The following SPOCK3 variants were observed in gnomAD, a reference collection of about 807,000 sequenced individuals.
The protein encoded by SPOCK3 is SPARC (osteonectin), cwcv and kazal like domains proteoglycan 3.
SPOCK3 carries 30 observed loss-of-function variants against 56.6 expected under a neutral mutation model. The observed-to-expected ratio is 0.53, with a 90% CI of 0.40 to 0.72. The LOEUF is 0.72. Ranked by LOEUF, SPOCK3 falls within the 30% of genes least tolerant of loss-of-function variation. The pLI, the probability that SPOCK3 is intolerant of heterozygous loss-of-function variation, is 0.00. For synonymous variants in SPOCK3, 196 were observed against 183.3 expected (o/e 1.07, Z -0.56); for missense variants, 527 against 530.0 (o/e 0.99, Z 0.06).
At chr4:166,840,765 GCAAAAGT>G (rs1747157515) in intron 6 of SPOCK3, among the ~76,000 whole-genome samples, 2 of 111,128 alleles carry the variant, frequency 1.8e-5, no homozygotes, top group Non-Finnish European at 3.7e-5. Context: ...CTTCCCAGAA[GCAAAAGT>G]TTTTTTTTTT....
intron 2 of SPOCK3, 47 bp from the exon 3 acceptor site, chr4:167,062,584 C>A (rs111254191): frequency 7.8e-6 from 11 of 1,416,314 alleles, no homozygotes; most frequent in African/African-American, 5.7e-5. Flanking sequence ...GTAATTAAAA[C>A]GCAAGGGTTC....
At chr4:167,089,115 TTAAAA>T (rs1277785679) in intron 2 of SPOCK3, among the ~76,000 whole-genome samples, 9 of 152,034 alleles carry the variant, frequency 5.9e-5, no homozygotes, top group South Asian at 2.1e-4. Context: ...GATATGTAAC[TTAAAA>T]TAAAGATTAA....
At chr4:166,807,405 G>A (rs557080482) in intron 6 of SPOCK3, among the ~76,000 whole-genome samples, 44 of 152,102 alleles carry the variant, frequency 2.9e-4, no homozygotes, top group African/African-American at 1.1e-3. Context: ...ACATGTTTAA[G>A]TGCAGAGTGA....
intron 2 of SPOCK3, among the ~76,000 whole-genome samples, chr4:167,098,136 A>G (rs1759320667): frequency 6.6e-6 from 1 of 151,934 alleles, no homozygotes; most frequent in Non-Finnish European, 1.5e-5. Context: ...CAACTCTTAT[A>G]AGGTCTTTTC....
At chr4:167,149,644 G>T (rs534548395) in intron 2 of SPOCK3, among the ~76,000 whole-genome samples, 1 of 151,954 alleles carries the variant, frequency 6.6e-6, no homozygotes, top group South Asian at 2.1e-4. Flanking sequence ...GTTTGCACAT[G>T]AACACATGGC....
rs545883937 is a variant in SPOCK3 at position 166,950,542 on chromosome 4, C to T, written c.351-37799G>A. 1.1e-3 allele frequency among the ~76,000 whole-genome samples: 162 copies of T among 152,060 alleles called. 1 individual carries two copies. The highest frequency in any genetic ancestry group is 2.1e-3 in the Non-Finnish European group (146 of 68,024). On this transcript the variant is annotated intron_variant, in intron 4 of 10. Coordinates refer to ENST00000357545, the MANE Select transcript of SPOCK3 (RefSeq NM_001040159.2). ...ACAGATCAATGAGACAGAAAGTTAA[C>T]AAGAATACCCAGGAATTGAACTCAG...
intron 6 of SPOCK3, among the ~76,000 whole-genome samples, chr4:166,822,760 G>GA (rs1350589621): frequency 1.3e-5 from 2 of 151,866 alleles, no homozygotes; most frequent in Admixed American, 1.3e-4. Context: ...AGTCCATCTA[G>GA]AAAAATGTGA....
chr4:166,926,868 A>T (rs1739167520), intron 4 of SPOCK3, among the ~76,000 whole-genome samples: 1 of 152,190 alleles, frequency 6.6e-6, no homozygotes, highest in South Asian at 2.1e-4. Context: ...AACAAAGTAA[A>T]GCAAGAGAGG....
intron 3 of SPOCK3, among the ~76,000 whole-genome samples, chr4:167,029,793 T>A (rs1479354953): frequency 2.0e-5 from 3 of 152,090 alleles, no homozygotes; most frequent in Non-Finnish European, 4.4e-5. Context: ...TATTTTATAT[T>A]CCTCTTTCAA....
chr4:166,811,182 G>C (rs1239929660), intron 6 of SPOCK3, among the ~76,000 whole-genome samples: 2 of 151,396 alleles, frequency 1.3e-5, no homozygotes, highest in Non-Finnish European at 3.0e-5. Context: ...GTAATCCTCT[G>C]AATTGTATTT....
chr4:166,792,452 T>A (rs866120250), intron 6 of SPOCK3, among the ~76,000 whole-genome samples, 163 bp from the exon 7 acceptor site: 3 of 152,240 alleles, frequency 2.0e-5, no homozygotes, highest in Middle Eastern at 3.2e-3. Context: ...TAAAATAAGA[T>A]GTAATATGAC....
At chr4:166,741,471 C>A (rs1734838443) in intron 9 of SPOCK3, among the ~76,000 whole-genome samples, 1 of 152,020 alleles carries the variant, frequency 6.6e-6, no homozygotes, top group African/African-American at 2.4e-5. Context: ...CTGTTTATAT[C>A]CAAACATTCA....
At chr4:166,856,792 C>CTAGA (rs1401010255) in intron 6 of SPOCK3, among the ~76,000 whole-genome samples, 6 of 151,326 alleles carry the variant, frequency 4.0e-5, no homozygotes, top group African/African-American at 1.2e-4. Context: ...ATCTATCTAT[C>CTAGA]TATCTATCTA....
chr4:167,205,809 C>T (rs532684763), intron 2 of SPOCK3, among the ~76,000 whole-genome samples: 290 of 146,616 alleles, frequency 2.0e-3, no homozygotes, highest in Non-Finnish European at 3.4e-3. Context: ...CGGGTTTTCA[C>T]ATGTTGGCCA....
intron 3 of SPOCK3, chr4:167,011,139 C>T: frequency 3.1e-6 from 1 of 322,910 alleles, no homozygotes; most frequent in East Asian, 7.8e-5. Flanking sequence ...TTATAAAAAC[C>T]TCTTAAGGGT....
At chr4:166,916,885 T>A (rs909803825) in intron 4 of SPOCK3, among the ~76,000 whole-genome samples, 32 of 152,300 alleles carry the variant, frequency 2.1e-4, no homozygotes, top group Middle Eastern at 3.4e-3. Flanking sequence ...GCATAAATAG[T>A]GCATATTGGC....
intron 6 of SPOCK3, among the ~76,000 whole-genome samples, chr4:166,851,480 C>T (rs1394826951): frequency 2.0e-5 from 3 of 152,204 alleles, no homozygotes; most frequent in Admixed American, 6.5e-5. Flanking sequence ...ATGACTTTGA[C>T]GAGCTGAGAG....
intron 2 of SPOCK3, among the ~76,000 whole-genome samples, chr4:167,090,574 G>T (rs1758616918): frequency 6.6e-6 from 1 of 151,900 alleles, no homozygotes. Flanking sequence ...CGAGATCTCG[G>T]CTCACCACAA....
chr4:166,742,250 T>TATCC (rs1553961200), intron 8 of SPOCK3, among the ~76,000 whole-genome samples, 191 bp from the exon 9 acceptor site: 1 of 98,586 alleles, frequency 1.0e-5, no homozygotes. Context: ...TCTATCTATC[T>TATCC]ATCTATCTAT....
Sources: gnomAD v4.1 joint callset for allele counts (sites outside exome capture counted in the v4.1 genomes callset) on GRCh38, gnomAD v4.1.1 for gene constraint, MANE v1.5 for transcripts, NCBI Gene and HGNC (gene_info 2026-07-23, HGNC 2026-07-21) for gene names.